The following CLCN5 variants were observed in gnomAD, a reference collection of about 807,000 sequenced individuals.
CLCN5 encodes H(+)/Cl(-) exchange transporter 5.
Under a neutral mutation model 54.0 loss-of-function variants are expected in CLCN5, and 17 were observed. The observed-to-expected ratio is 0.31, with a 90% CI of 0.22 to 0.47. CLCN5 has a LOEUF of 0.47. CLCN5 is among the 20% of genes least tolerant of loss of function. The pLI is 1.00. For missense variants in CLCN5, 448 were observed against 646.7 expected (o/e 0.69, Z 3.33); for synonymous variants, 222 against 233.0 (o/e 0.95, Z 0.43).
intron 3 of CLCN5, among the ~76,000 whole-genome samples, chrX:49,961,837 T>C (rs1194998955): frequency 8.9e-6 from 1 of 111,916 alleles, no homozygotes; most frequent in Non-Finnish European, 1.9e-5. Context: ...TTAGTGAATC[T>C]CCAGCGAAAT....
At chrX:49,958,888 G>T (rs1282093221) in intron 3 of CLCN5, among the ~76,000 whole-genome samples, 1 of 111,540 alleles carries the variant, frequency 9.0e-6, no homozygotes, top group Admixed American at 9.5e-5. Context: ...TTGCTCGCTC[G>T]CTCTGTCTCT....
At chrX:49,966,607 T>TAA (rs1927887846) in intron 3 of CLCN5, among the ~76,000 whole-genome samples, 1 of 19,556 alleles carries the variant, frequency 5.1e-5, no homozygotes, top group Non-Finnish European at 8.0e-5. Context: ...TTTTTTTTTT[T>TAA]TTTTATTTTT....
intron 3 of CLCN5, chrX:50,009,896 C>T (rs1930407799): frequency 3.0e-6 from 1 of 333,082 alleles, no homozygotes; most frequent in Non-Finnish European, 6.0e-6. Context: ...TCATTCTTTC[C>T]TTCCACAAAT....
intron 3 of CLCN5, among the ~76,000 whole-genome samples, chrX:50,018,390 A>G (rs890773102): frequency 8.9e-6 from 1 of 112,139 alleles, no homozygotes; most frequent in South Asian, 3.7e-4. Flanking sequence ...TACATCGACA[A>G]TCATGTCATC....
At chrX:50,015,698 C>T (rs782155614) in intron 3 of CLCN5, among the ~76,000 whole-genome samples, 34 of 110,090 alleles carry the variant, frequency 3.1e-4, no homozygotes, top group African/African-American at 1.1e-3. Context: ...GTGACCTCAG[C>T]AGTATTCTTC....
rs781911096 is a variant in CLCN5 at position 49,977,963 on chromosome X, C to A, written c.16+52649C>A. The stretch of plus-strand genomic sequence containing the variant: ...CAAAAGGGTCTTTTGTGGCCACAGG[C>A]AAACTGGAGTCAAGCTGCCTGCGTT... On this transcript the variant is annotated intron_variant, in intron 3 of 14. Transcript: ENST00000376091. Among the ~76,000 whole-genome samples the A allele has an allele frequency of 5.4e-5, 6 of 112,051 alleles. No individual in the cohort carries two copies. In the East Asian group the frequency reaches 1.1e-3, roughly 21 times the overall value.
intron 3 of CLCN5, among the ~76,000 whole-genome samples, chrX:49,938,634 T>C (rs1298882391): frequency 4.5e-5 from 5 of 111,815 alleles, no homozygotes; most frequent in Non-Finnish European, 9.4e-5. Flanking sequence ...ATACAAAAAT[T>C]AATTCAAGAT....
chrX:50,004,420 G>C (rs1282976986), intron 3 of CLCN5, among the ~76,000 whole-genome samples: 4 of 111,183 alleles, frequency 3.6e-5, no homozygotes, highest in Non-Finnish European at 7.5e-5. Context: ...GATGGTGGTG[G>C]AGAAGTTTCG....
At chrX:50,036,165 T>C (rs1931988785) in intron 3 of CLCN5, among the ~76,000 whole-genome samples, 1 of 110,242 alleles carries the variant, frequency 9.1e-6, no homozygotes, top group Non-Finnish European at 1.9e-5. Flanking sequence ...AACATTGAAT[T>C]GGTTTCTCAT....
At chrX:49,987,851 G>T (rs1163229262) in intron 3 of CLCN5, among the ~76,000 whole-genome samples, 2 of 111,502 alleles carry the variant, frequency 1.8e-5, no homozygotes, top group Non-Finnish European at 3.8e-5. Context: ...CTGTGCAAGC[G>T]GCTATTTTAA....
In CLCN5 at chrX:49,995,278, G is replaced by A. The variant is rs202159800; in HGVS notation, c.17-47038G>A. 2.7e-5 allele frequency among the ~76,000 whole-genome samples: 3 copies of A among 111,792 alleles called. No individual in the cohort carries two copies. The East Asian group carries it at 8.4e-4, about 31-fold the overall frequency. ...CCATATATTCTTGCACAATAATGGC[G>A]AAGGGGAAGTAATTTGGATAGCTGC... On this transcript the variant is annotated intron_variant, in intron 3 of 14. Coordinates refer to ENST00000376091, the MANE Select transcript of CLCN5 (RefSeq NM_001127898.4).
At chrX:49,928,056 C>A (rs1400939023) in intron 3 of CLCN5, among the ~76,000 whole-genome samples, 2 of 111,848 alleles carry the variant, frequency 1.8e-5, no homozygotes, top group African/African-American at 6.5e-5. Context: ...TATAAACATA[C>A]AGCTAGAGAG....
chrX:50,063,590 A>G (rs1245860762), intron 4 of CLCN5, among the ~76,000 whole-genome samples: 33 of 107,636 alleles, frequency 3.1e-4, no homozygotes, highest in African/African-American at 8.5e-4. Flanking sequence ...ACAAGGAGGA[A>G]CTGGTACCAT....
rs782074279 is a variant in CLCN5 at position 49,974,950 on chromosome X, T to A, written c.16+49636T>A. 4.7e-3 allele frequency among the ~76,000 whole-genome samples: 523 copies of A among 112,013 alleles called. 5 individuals carry two copies. Among genetic ancestry groups the A allele is most frequent in the African/African-American group, 0.016 (493 of 30,813 alleles). On this transcript the variant is annotated intron_variant, in intron 3 of 14. Coordinates refer to ENST00000376091, the MANE Select transcript of CLCN5 (RefSeq NM_001127898.4). ...TTGAGGACATAATTCATTCAGCTGA[T>A]ATTTCATTGGCTTCTTTATACAAGG...
At chrX:49,937,734 T>C (rs1926075769) in intron 3 of CLCN5, among the ~76,000 whole-genome samples, 1 of 112,030 alleles carries the variant, frequency 8.9e-6, no homozygotes, top group Admixed American at 9.5e-5. Flanking sequence ...ATTTAAAAAT[T>C]AAATGTTTCA....
At chrX:50,077,623 T>A (rs1557192344) in intron 7 of CLCN5, among the ~76,000 whole-genome samples, 1,465 of 73,898 alleles carry the variant, frequency 0.02, 16 homozygotes, top group African/African-American at 0.046. Flanking sequence ...AGAGAGAGAG[T>A]GTGTGTGTGT....
At chrX:49,942,530 C>T (rs1246121677) in intron 3 of CLCN5, among the ~76,000 whole-genome samples, 2 of 108,189 alleles carry the variant, frequency 1.8e-5, no homozygotes. Context: ...ATTAGGTATA[C>T]CTCCTAATGG....
chrX:49,996,757 A>T (rs950697519), intron 3 of CLCN5, among the ~76,000 whole-genome samples: 5 of 112,006 alleles, frequency 4.5e-5, no homozygotes, highest in Non-Finnish European at 7.5e-5. Flanking sequence ...CTCTCCTAAG[A>T]GGTTGCTCAC....
chrX:49,924,400 A>G (rs1925233039), intron 2 of CLCN5, among the ~76,000 whole-genome samples: 1 of 111,960 alleles, frequency 8.9e-6, no homozygotes, highest in Non-Finnish European at 1.9e-5. Context: ...AACTGACCTC[A>G]GGTGATCCGC....
Sources: allele counts gnomAD v4.1 joint callset (sites outside exome capture counted in the v4.1 genomes callset), GRCh38; gene constraint gnomAD v4.1.1; transcripts MANE v1.5; gene names NCBI Gene and HGNC (gene_info 2026-07-23, HGNC 2026-07-21).